RABGAP1L: variants seen among roughly 807,000 people sequenced by gnomAD.
RABGAP1L encodes rab GTPase-activating protein 1-like.
RABGAP1L carries 63 observed loss-of-function variants against 137.7 expected under a neutral mutation model. The ratio of observed to expected loss-of-function variants is 0.46; its 90% CI spans 0.37 to 0.56. RABGAP1L has a LOEUF of 0.56. Ranked by LOEUF, RABGAP1L falls within the 20% of genes least tolerant of loss-of-function variation. The pLI is 0.00. For missense variants in RABGAP1L, 1,095 were observed against 1,244.0 expected, an observed-to-expected ratio of 0.88 and a Z score of 1.80; for synonymous variants, 431 against 433.7, an observed-to-expected ratio of 0.99 and a Z score of 0.08.
At chr1:174,327,984 C>CATAT (rs1314813386) in intron 11 of RABGAP1L, among the ~76,000 whole-genome samples, 419 of 37,762 alleles carry the variant, frequency 0.011, 10 homozygotes, top group African/African-American at 0.021. Context: ...TATATACACA[C>CATAT]ACATATATAT....
At chr1:174,899,942 G>T (rs1189239860) in intron 19 of RABGAP1L, among the ~76,000 whole-genome samples, 1 of 151,944 alleles carries the variant, frequency 6.6e-6, no homozygotes, top group East Asian at 1.9e-4. Context: ...GTTTGGGGGG[G>T]TAGAATAATC....
At chr1:174,704,600 A>AAT (rs1679914967) in intron 17 of RABGAP1L, among the ~76,000 whole-genome samples, 1 of 152,208 alleles carries the variant, frequency 6.6e-6, no homozygotes, top group East Asian at 1.9e-4. Flanking sequence ...CCAAATCCTG[A>AAT]ATATAACAGC....
At chr1:174,461,152 AT>A (rs1202905345) in intron 13 of RABGAP1L, among the ~76,000 whole-genome samples, 1 of 151,916 alleles carries the variant, frequency 6.6e-6, no homozygotes, top group African/African-American at 2.4e-5. Context: ...AGGTTTCGAA[AT>A]TTTTTTCTAT....
At chr1:174,239,970 G>A (rs894806508) in intron 4 of RABGAP1L, among the ~76,000 whole-genome samples, 1 of 152,190 alleles carries the variant, frequency 6.6e-6, no homozygotes, top group Non-Finnish European at 1.5e-5. Context: ...AATTTTTCAG[G>A]AAAGGGTTTG....
intron 20 of RABGAP1L, among the ~76,000 whole-genome samples, chr1:174,958,352 A>G (rs1190284141): frequency 2.6e-5 from 4 of 152,236 alleles, no homozygotes; most frequent in African/African-American, 9.6e-5. Context: ...CCAGGATGCA[A>G]AGTTGGGAAA....
intron 17 of RABGAP1L, among the ~76,000 whole-genome samples, chr1:174,738,411 C>A (rs1232626083): frequency 6.6e-6 from 1 of 152,114 alleles, no homozygotes; most frequent in Non-Finnish European, 1.5e-5. Context: ...ACCAGTATTT[C>A]TACATTTTTC....
At chr1:174,377,144 A>G (rs1260627151) in intron 12 of RABGAP1L, among the ~76,000 whole-genome samples, 3 of 152,204 alleles carry the variant, frequency 2.0e-5, no homozygotes, top group Admixed American at 2.0e-4. Context: ...AATCGAACAA[A>G]TTGTGAGCTA....
At chr1:174,555,449 A>G (rs1028994404) in intron 13 of RABGAP1L, among the ~76,000 whole-genome samples, 9 of 152,202 alleles carry the variant, frequency 5.9e-5, no homozygotes, top group Admixed American at 5.9e-4. Context: ...TGGTCTAATT[A>G]TATGTAGTGT....
chr1:174,585,798 G>C (rs1274325640), intron 13 of RABGAP1L, among the ~76,000 whole-genome samples: 2 of 152,176 alleles, frequency 1.3e-5, no homozygotes, highest in African/African-American at 2.4e-5. Flanking sequence ...TCAGTGGTTG[G>C]TTGACTGATT....
chr1:174,429,670 C>T (rs1174552488), intron 13 of RABGAP1L, among the ~76,000 whole-genome samples: 4 of 151,634 alleles, frequency 2.6e-5, no homozygotes, highest in East Asian at 1.9e-4. Flanking sequence ...ACCCGGGAGG[C>T]GGAAGTTGCA....
chr1:174,220,165 C>T (rs1245340519), intron 2 of RABGAP1L, among the ~76,000 whole-genome samples: 2 of 152,048 alleles, frequency 1.3e-5, no homozygotes, highest in African/African-American at 4.8e-5. Flanking sequence ...TATGAGTCAA[C>T]TTAAGTGTAA....
At chr1:174,934,614 A>T (rs1363286829) in intron 19 of RABGAP1L, among the ~76,000 whole-genome samples, 1 of 151,542 alleles carries the variant, frequency 6.6e-6, no homozygotes, top group South Asian at 2.1e-4. Flanking sequence ...GCACAGCAAA[A>T]CCTCATCTCC....
In RABGAP1L at chr1:174,990,320, C is replaced by A. The variant is rs1671974973; in HGVS notation, c.*319C>A. On this transcript the variant is annotated 3_prime_UTR_variant, in exon 26 of 26. Transcript: ENST00000681986. ...AAATGCTTTTTTATTTAGAATTATT[C>A]ATAATTATTTTTATCTTACATAAAA... The A allele has an allele frequency of 1.0e-5, 2 of 198,956 alleles. No individual in the cohort carries two copies. The highest frequency in any genetic ancestry group is 1.8e-4 in the South Asian group (1 of 5,468). 12.3% of individuals were successfully genotyped at this position (198,956 alleles called of 1,614,324 possible). A position where few individuals can be genotyped will look rare whatever the true frequency, so the allele number is the denominator to read the frequency against.
chr1:174,168,481 A>T (rs1665092802), intron 1 of RABGAP1L, among the ~76,000 whole-genome samples: 2 of 151,712 alleles, frequency 1.3e-5, no homozygotes, highest in Non-Finnish European at 1.5e-5. Flanking sequence ...TTTAAATCTC[A>T]TGAACTGTAT....
At chr1:174,327,998 T>TAC (rs1558136354) in intron 11 of RABGAP1L, among the ~76,000 whole-genome samples, 54 of 90,118 alleles carry the variant, frequency 6.0e-4, no homozygotes, top group South Asian at 1.0e-3. Context: ...TATATATATA[T>TAC]ATATATATAT....
At chr1:174,935,984 CAAA>C (rs58215269) in intron 19 of RABGAP1L, among the ~76,000 whole-genome samples, 7 of 43,176 alleles carry the variant, frequency 1.6e-4, no homozygotes, top group Non-Finnish European at 2.0e-4. Flanking sequence ...TCCATCTCAC[CAAA>C]AAAAAAAAAA....
intron 19 of RABGAP1L, among the ~76,000 whole-genome samples, chr1:174,890,403 A>G (rs1655931074): frequency 6.6e-6 from 1 of 152,172 alleles, no homozygotes; most frequent in Non-Finnish European, 1.5e-5. Flanking sequence ...TCTCCCTACC[A>G]TAGTACCTGG....
intron 19 of RABGAP1L, among the ~76,000 whole-genome samples, chr1:174,925,876 G>GTTTTTTTTTTTTTTTTTTTTTTT (rs1427562681): frequency 1.8e-5 from 2 of 108,672 alleles, no homozygotes; most frequent in Middle Eastern, 5.4e-3. Flanking sequence ...TTTTGTTTTT[G>GTTTTTTTTTTTTTTTTTTTTTTT]TTTTTTTTTT....
At chr1:174,867,194 A>G (rs1651411036) in intron 19 of RABGAP1L, among the ~76,000 whole-genome samples, 1 of 152,186 alleles carries the variant, frequency 6.6e-6, no homozygotes, top group South Asian at 2.1e-4. Context: ...CAGCCTGGCC[A>G]ACATGGTGAA....
Sources: gnomAD v4.1 joint callset for allele counts (sites outside exome capture counted in the v4.1 genomes callset) on GRCh38, gnomAD v4.1.1 for gene constraint, MANE v1.5 for transcripts, NCBI Gene and HGNC (gene_info 2026-07-23, HGNC 2026-07-21) for gene names.